SLC38A11: variants seen among roughly 807,000 people sequenced by gnomAD.
The protein encoded by SLC38A11 is putative sodium-coupled neutral amino acid transporter 11.
SLC38A11 carries 51 observed loss-of-function variants against 49.4 expected under a neutral mutation model. The ratio of observed to expected loss-of-function variants is 1.03; its 90% CI spans 0.83 to 1.30. SLC38A11 has a LOEUF of 1.30. Among genes scored for constraint, SLC38A11 ranks in the 50% most tolerant of loss-of-function variants. The pLI, the probability that SLC38A11 is intolerant of heterozygous loss-of-function variation, is 0.00. For synonymous variants in SLC38A11, 203 were observed against 192.9 expected (o/e 1.05, Z -0.43); for missense variants, 574 against 556.2 (o/e 1.03, Z -0.32).
chr2:164,911,834 G>T, intron 9 of SLC38A11, 86 bp from the exon 10 acceptor site: 1 of 659,458 alleles, frequency 1.5e-6, no homozygotes, highest in Non-Finnish European at 2.5e-6. Context: ...AGATATTACA[G>T]TTATGCATCA....
intron 7 of SLC38A11, among the ~76,000 whole-genome samples, chr2:164,927,349 GC>G (rs1458344527): frequency 6.6e-6 from 1 of 152,098 alleles, no homozygotes; most frequent in Non-Finnish European, 1.5e-5. Context: ...TGTTACTGTA[GC>G]ATAGAAAGAC....
At chr2:164,942,063 G>T (rs530903769) in intron 5 of SLC38A11, among the ~76,000 whole-genome samples, 33 of 152,178 alleles carry the variant, frequency 2.2e-4, no homozygotes, top group African/African-American at 7.7e-4. Context: ...GCTTGTCTGT[G>T]TTTTCTAATA....
At chr2:164,900,238 G>A (rs1359453342) in intron 11 of SLC38A11, among the ~76,000 whole-genome samples, 6 of 151,870 alleles carry the variant, frequency 4.0e-5, no homozygotes, top group African/African-American at 1.5e-4. Flanking sequence ...CTTCACTATT[G>A]TGAATAATGC....
intron 5 of SLC38A11, among the ~76,000 whole-genome samples, chr2:164,939,764 A>G (rs1291343767): frequency 1.3e-5 from 2 of 152,088 alleles, no homozygotes; most frequent in Non-Finnish European, 2.9e-5. Context: ...AGGATGACTT[A>G]TACTTGAAAT....
rs1684400330 is a variant in SLC38A11 at position 164,897,656 on chromosome 2, T to G, written c.*781A>C. On this transcript the variant is annotated 3_prime_UTR_variant, in exon 12 of 12. Coordinates refer to ENST00000685975, the MANE Select transcript of SLC38A11 (RefSeq NM_001351537.2). ...CTAGTTTCAAAGTTCAGCTTCCAGT[T>G]GTACATTCCTGACAGCACTAAAAAT... The G allele has an allele frequency of 6.6e-6, 1 of 152,256 alleles. No homozygotes were observed. Among genetic ancestry groups the G allele is most frequent in the Non-Finnish European group, 1.5e-5 (1 of 68,084 alleles). The allele number at this position is 152,256 out of a possible 1,614,324, so 9.4% of individuals were successfully genotyped here.
At position 164,896,408 on chromosome 2, in the gene SLC38A11, A is replaced by G. The variant is rs1232359578; in HGVS notation, c.*2029T>C. Reference sequence around the variant, plus strand: ...ACAAGATAAGAGATGGTTACGTGCTAAATTATGTTATCCTTGACATACTTT... The same window carrying G: ...ACAAGATAAGAGATGGTTACGTGCTGAATTATGTTATCCTTGACATACTTT... On this transcript the variant is annotated 3_prime_UTR_variant, in exon 12 of 12. Coordinates refer to ENST00000685975, the MANE Select transcript of SLC38A11 (RefSeq NM_001351537.2). The G allele has an allele frequency of 6.6e-6, 1 of 152,158 alleles. No individual in the cohort carries two copies. The highest frequency in any genetic ancestry group is 1.5e-5 in the Non-Finnish European group (1 of 68,026). The allele number at this position is 152,158 out of a possible 1,614,324, so 9.4% of individuals were successfully genotyped here.
At chr2:164,929,437 T>C (rs1484306950) in intron 7 of SLC38A11, among the ~76,000 whole-genome samples, 2 of 152,174 alleles carry the variant, frequency 1.3e-5, no homozygotes, top group African/African-American at 2.4e-5. Context: ...ATCTTTGTTA[T>C]AGCCAATCAG....
chr2:164,908,797 G>C (rs372702561), intron 10 of SLC38A11, 26 bp from the exon 11 acceptor site: 2 of 1,592,196 alleles, frequency 1.3e-6, no homozygotes, highest in Non-Finnish European at 1.7e-6. Context: ...ATTATTTTGA[G>C]AGGGACTTTT....
chr2:164,918,468 A>G (rs557246344), intron 7 of SLC38A11, among the ~76,000 whole-genome samples: 91 of 152,312 alleles, frequency 6.0e-4, no homozygotes, highest in African/African-American at 2.1e-3. Context: ...CAAACTAATA[A>G]TAAAATAGAA....
intron 7 of SLC38A11, among the ~76,000 whole-genome samples, chr2:164,929,697 G>A (rs2105484134): frequency 6.6e-6 from 1 of 152,240 alleles, no homozygotes; most frequent in South Asian, 2.1e-4. Context: ...TTACAGTTAA[G>A]GGAAGTAAAT....
intron 8 of SLC38A11, chr2:164,915,681 T>G: frequency 2.0e-6 from 1 of 487,926 alleles, no homozygotes. Context: ...TGTAATGAGT[T>G]TCTGCATGAG....
chr2:164,901,812 G>C (rs914145610), intron 11 of SLC38A11, among the ~76,000 whole-genome samples: 5 of 151,994 alleles, frequency 3.3e-5, no homozygotes, highest in African/African-American at 1.2e-4. Flanking sequence ...TGGCGAGAGT[G>C]GGTATCCTTA....
At chr2:164,936,206 C>T (rs181696911) in intron 7 of SLC38A11, among the ~76,000 whole-genome samples, 28 of 152,002 alleles carry the variant, frequency 1.8e-4, no homozygotes, top group African/African-American at 5.8e-4. Flanking sequence ...TAAAAATAGG[C>T]GTTTGCTTTT....
chr2:164,952,062 C>T (rs1688559959), intron 3 of SLC38A11, among the ~76,000 whole-genome samples: 1 of 151,910 alleles, frequency 6.6e-6, no homozygotes, highest in South Asian at 2.1e-4. Context: ...GATGACAAGG[C>T]GGGGACGAGG....
At chr2:164,938,238 T>C (rs1175174029) in intron 6 of SLC38A11, among the ~76,000 whole-genome samples, 2 of 152,154 alleles carry the variant, frequency 1.3e-5, no homozygotes, top group African/African-American at 2.4e-5. Context: ...CTATTATGAA[T>C]TGGCTTATCT....
chr2:164,908,581 A>G (rs906731956), intron 11 of SLC38A11, 59 bp downstream of exon 11: 20 of 1,402,260 alleles, frequency 1.4e-5, no homozygotes, highest in Admixed American at 2.6e-5. Flanking sequence ...TGTTAAATGT[A>G]ATCATTATCT....
At chr2:164,940,750 G>GTATA (rs370904715) in intron 5 of SLC38A11, among the ~76,000 whole-genome samples, 16 of 149,708 alleles carry the variant, frequency 1.1e-4, no homozygotes, top group Admixed American at 7.4e-4. Flanking sequence ...TGTATATGAT[G>GTATA]TATATATATA....
In SLC38A11 at chr2:164,945,984, G is replaced by T. The variant is rs888919471; in HGVS notation, c.230-257C>A. The stretch of plus-strand genomic sequence containing the variant: ...CCCATGCAAAGAACAGGACAGAAAA[G>T]AAAACAGACTCGAGTCAAACTGCCA... On this transcript the variant is annotated intron_variant, in intron 3 of 11. Coordinates refer to ENST00000685975, the MANE Select transcript of SLC38A11 (RefSeq NM_001351537.2). Among the ~76,000 whole-genome samples, 25 of 152,168 alleles carry T rather than the reference G, an allele frequency of 1.6e-4. No individual in the cohort carries two copies. In the South Asian group the frequency reaches 2.7e-3, roughly 16 times the overall value.
chr2:164,903,164 A>C (rs1254187132), intron 11 of SLC38A11, among the ~76,000 whole-genome samples: 1 of 148,648 alleles, frequency 6.7e-6, no homozygotes, highest in Non-Finnish European at 1.5e-5. Flanking sequence ...TGAAAACAAC[A>C]AACAGTAATT....
Sources: gnomAD v4.1 joint callset for allele counts (sites outside exome capture counted in the v4.1 genomes callset) on GRCh38, gnomAD v4.1.1 for gene constraint, MANE v1.5 for transcripts, NCBI Gene and HGNC (gene_info 2026-07-23, HGNC 2026-07-21) for gene names.